OSBPL9: variants seen among roughly 807,000 people sequenced by gnomAD.
The protein encoded by OSBPL9 is oxysterol-binding protein-related protein 9.
In OSBPL9, 40 loss-of-function variants were observed where a neutral mutation model predicts 106.6. The ratio of observed to expected loss-of-function variants is 0.38; its 90% CI spans 0.29 to 0.49. The LOEUF is 0.49. Among genes scored for constraint, OSBPL9 ranks in the 20% least tolerant of loss-of-function variants. The pLI is 0.97. For synonymous variants in OSBPL9, 269 were observed against 295.4 expected (o/e 0.91, Z 0.92); for missense variants, 609 against 887.2 (o/e 0.69, Z 3.98).
At chr1:51,586,280 C>T (rs1485858036) in intron 1 of OSBPL9, among the ~76,000 whole-genome samples, 1 of 151,658 alleles carries the variant, frequency 6.6e-6, no homozygotes, top group African/African-American at 2.4e-5. Flanking sequence ...CATTATTTAC[C>T]ATTTTGGTAC....
At chr1:51,597,256 A>G (rs549290889) in intron 1 of OSBPL9, among the ~76,000 whole-genome samples, 7 of 152,246 alleles carry the variant, frequency 4.6e-5, no homozygotes, top group Non-Finnish European at 8.8e-5. Context: ...GAAGCCTTTA[A>G]AGGGAGTGAC....
chr1:51,577,999 C>T (rs533767844), intron 1 of OSBPL9, among the ~76,000 whole-genome samples: 3 of 152,190 alleles, frequency 2.0e-5, no homozygotes, highest in Admixed American at 1.3e-4. Context: ...TAGCACTTCA[C>T]GGTCTGTAAT....
intron 6 of OSBPL9, among the ~76,000 whole-genome samples, chr1:51,747,186 C>T (rs555082308): frequency 1.3e-5 from 2 of 152,284 alleles, no homozygotes; most frequent in African/African-American, 2.4e-5. Flanking sequence ...AGGCTGGTTT[C>T]GAACTCCTGA....
rs949344711 is a variant in OSBPL9, at chr1:51,788,851, T to TATC, written c.*1063_*1065dup. 1.8e-4 allele frequency among the ~76,000 whole-genome samples: 27 copies of TATC among 151,346 alleles called. No individual in the cohort carries two copies. The highest frequency in any genetic ancestry group is 3.2e-4 in the African/African-American group (13 of 40,698). On this transcript the variant is annotated 3_prime_UTR_variant, in exon 24 of 24. Transcript: ENST00000428468. The stretch of plus-strand genomic sequence containing the variant: ...AAATACAGAACTATATCTATCTATC[T>TATC]ATCTATCATCTTTTTTATTTAAAAA...
intron 1 of OSBPL9, among the ~76,000 whole-genome samples, chr1:51,644,600 T>C (rs1462455333): frequency 6.6e-6 from 1 of 152,166 alleles, no homozygotes; most frequent in African/African-American, 2.4e-5. Flanking sequence ...AGTGCTGGGA[T>C]TATAGAGGTG....
At position 51,765,807 on chromosome 1, in the gene OSBPL9, C is replaced by T; in HGVS notation, c.779-15C>T. 1 of 1,595,356 alleles carries T rather than the reference C, an allele frequency of 6.3e-7. No individual in the cohort carries two copies. The highest frequency in any genetic ancestry group is 8.5e-7 in the Non-Finnish European group (1 of 1,172,910). ...TTCACCAATATTTTTCTCTAAAACC[C>T]TTTTAACTTCCTAGGCAGTGGCCAT... On this transcript the variant is annotated splice_polypyrimidine_tract_variant and intron_variant, in intron 11 of 23. Transcript: ENST00000428468.
intron 2 of OSBPL9, among the ~76,000 whole-genome samples, chr1:51,658,547 T>C (rs1048266204): frequency 6.6e-6 from 1 of 152,182 alleles, no homozygotes; most frequent in Non-Finnish European, 1.5e-5. Context: ...GTGACCCTCT[T>C]TTACTCCATC....
the OSBPL9 span, among the ~76,000 whole-genome samples, chr1:51,543,005 C>CG: frequency 6.6e-6 from 1 of 152,164 alleles, no homozygotes; most frequent in African/African-American, 2.4e-5. Context: ...GAAACTAAAT[C>CG]CTTCATGTGT....
the OSBPL9 span, among the ~76,000 whole-genome samples, chr1:51,526,051 A>AT: frequency 6.6e-6 from 1 of 152,042 alleles, no homozygotes; most frequent in Non-Finnish European, 1.5e-5. Flanking sequence ...TAATTTTTGT[A>AT]TTTTTTGTAG....
chr1:51,760,723 C>T lies in OSBPL9; in HGVS notation c.616C>T (p.Pro206Ser). Reference sequence around the variant, plus strand: ...TAATCCCGTAGATGCAATATATCAACCTAGTCCTTTGGAACCTGTGATCAG... The same window carrying T: ...TAATCCCGTAGATGCAATATATCAATCTAGTCCTTTGGAACCTGTGATCAG... ...TINPVDAIYQ[P>S]SPLEPVISTM... Residue 206 changes from proline to serine, a missense_variant, in exon 10 of 24, where the codon CCT (proline) becomes TCT (serine). Coordinates refer to ENST00000428468, the MANE Select transcript of OSBPL9 (RefSeq NM_024586.6). The T allele has an allele frequency of 6.2e-7, 1 of 1,613,834 alleles. No homozygotes were observed. Among genetic ancestry groups the T allele is most frequent in the African/African-American group, 1.3e-5 (1 of 75,006 alleles).
intron 4 of OSBPL9, 143 bp downstream of exon 4, chr1:51,714,222 G>T: frequency 5.3e-6 from 3 of 570,742 alleles, no homozygotes. Context: ...TTCCTTTACA[G>T]TTATAGTAAA....
chr1:51,581,348 C>A (rs528850282), intron 1 of OSBPL9, among the ~76,000 whole-genome samples: 157 of 152,256 alleles, frequency 1.0e-3, no homozygotes, highest in African/African-American at 3.7e-3. Context: ...ATGGTGCATG[C>A]CATTAACATG....
intron 2 of OSBPL9, among the ~76,000 whole-genome samples, chr1:51,660,661 G>A (rs138217109): frequency 3.3e-5 from 5 of 152,316 alleles, no homozygotes; most frequent in African/African-American, 1.2e-4. Context: ...AATACTTGTT[G>A]AATCAATGAA....
intron 2 of OSBPL9, 114 bp downstream of exon 2, chr1:51,652,155 G>A: frequency 1.4e-6 from 1 of 723,826 alleles, no homozygotes; most frequent in Non-Finnish European, 2.2e-6. Context: ...GTTGGGGCAG[G>A]TATCTAAGTC....
chr1:51,636,764 A>G (rs1645476518), intron 1 of OSBPL9, among the ~76,000 whole-genome samples: 3 of 152,160 alleles, frequency 2.0e-5, no homozygotes, highest in Admixed American at 2.0e-4. Context: ...AGCCTGGGCA[A>G]CAGAGTAACA....
At chr1:51,585,122 TATC>T (rs944775273) in intron 1 of OSBPL9, among the ~76,000 whole-genome samples, 5 of 149,568 alleles carry the variant, frequency 3.3e-5, no homozygotes, top group African/African-American at 1.2e-4. Flanking sequence ...TGCCATAAGC[TATC>T]ATCATGCCAC....
In OSBPL9 at chr1:51,787,830, AGGC is replaced by A; in HGVS notation, c.*42_*44del. Reference sequence around the variant, plus strand: ...GTTTATACCTGATGATCAGGGCAGTAGGCATAATTCAGCAACAAACAATCTTCC... The same window carrying A: ...GTTTATACCTGATGATCAGGGCAGTAATAATTCAGCAACAAACAATCTTCC... On this transcript the variant is annotated 3_prime_UTR_variant, in exon 24 of 24. Coordinates refer to ENST00000428468, the MANE Select transcript of OSBPL9 (RefSeq NM_024586.6). The A allele has an allele frequency of 6.6e-7, 1 of 1,522,150 alleles. No homozygotes were observed. Among genetic ancestry groups the A allele is most frequent in the Non-Finnish European group, 9.1e-7 (1 of 1,098,144 alleles). The allele number at this position is 1,522,150 out of a possible 1,614,324, so 94.3% of individuals were successfully genotyped here.
intron 4 of OSBPL9, among the ~76,000 whole-genome samples, chr1:51,737,115 A>G (rs1665875261): frequency 6.6e-6 from 1 of 151,830 alleles, no homozygotes; most frequent in Non-Finnish European, 1.5e-5. Context: ...CAGTATAGTG[A>G]TTACGAAGTT....
At chr1:51,609,736 G>A (rs903942842) in intron 2 of OSBPL9, among the ~76,000 whole-genome samples, 1 of 151,224 alleles carries the variant, frequency 6.6e-6, no homozygotes, top group Non-Finnish European at 1.5e-5. Context: ...TCCACTTGCC[G>A]GCTGAATGTC....
Sources: gnomAD v4.1 joint callset for allele counts (sites outside exome capture counted in the v4.1 genomes callset) on GRCh38, gnomAD v4.1.1 for gene constraint, MANE v1.5 for transcripts, NCBI Gene and HGNC (gene_info 2026-07-23, HGNC 2026-07-21) for gene names.